The following LRRC69 variants were observed in gnomAD, a reference collection of about 807,000 sequenced individuals.
The protein encoded by LRRC69 is leucine rich repeat containing 69.
A neutral mutation model predicts 37.8 loss-of-function variants in LRRC69; 42 were observed. That is an observed-to-expected ratio of 1.11 (90% CI 0.87 to 1.44). The LOEUF is 1.44. LRRC69 is among the 40% of genes most tolerant of loss of function. The pLI, the probability that LRRC69 is intolerant of heterozygous loss-of-function variation, is 0.00. For synonymous variants in LRRC69, 141 were observed against 143.1 expected (o/e 0.99, Z 0.11); for missense variants, 357 against 401.9 (o/e 0.89, Z 0.96).
intron 1 of LRRC69, among the ~76,000 whole-genome samples, chr8:91,110,741 G>A (rs1246301405): frequency 6.6e-6 from 1 of 151,978 alleles, no homozygotes; most frequent in Non-Finnish European, 1.5e-5. Flanking sequence ...ATAATTAATA[G>A]CTACAAGCAT....
chr8:91,126,041 T>C (rs1263262038), intron 2 of LRRC69, among the ~76,000 whole-genome samples: 1 of 151,986 alleles, frequency 6.6e-6, no homozygotes, highest in Non-Finnish European at 1.5e-5. Flanking sequence ...TTGGGGTTAT[T>C]GAACTTTGAA....
At chr8:91,188,770 A>T (rs1361091731) in intron 5 of LRRC69, among the ~76,000 whole-genome samples, 1 of 150,210 alleles carries the variant, frequency 6.7e-6, no homozygotes, top group Non-Finnish European at 1.5e-5. Flanking sequence ...GTAGACTGCA[A>T]TTGGATTTAG....
chr8:91,118,732 T>G (rs960601002), intron 1 of LRRC69, among the ~76,000 whole-genome samples: 1 of 152,060 alleles, frequency 6.6e-6, no homozygotes, highest in Non-Finnish European at 1.5e-5. Flanking sequence ...GCTTTAAAGC[T>G]TATCAAATAG....
At chr8:91,144,937 A>G (rs2130535052) in intron 5 of LRRC69, among the ~76,000 whole-genome samples, 1 of 152,152 alleles carries the variant, frequency 6.6e-6, no homozygotes, top group South Asian at 2.1e-4. Flanking sequence ...CTTCAATAGA[A>G]TGATTTCCAT....
intron 1 of LRRC69, among the ~76,000 whole-genome samples, chr8:91,114,292 A>C (rs1813467966): frequency 6.6e-6 from 1 of 151,968 alleles, no homozygotes; most frequent in South Asian, 2.1e-4. Context: ...CAGCAATCCT[A>C]CTCTGGGTAT....
chr8:91,214,412 A>C (rs1179391578), intron 7 of LRRC69, among the ~76,000 whole-genome samples: 1 of 152,184 alleles, frequency 6.6e-6, no homozygotes, highest in Non-Finnish European at 1.5e-5. Flanking sequence ...ATTTGAAAAC[A>C]TGTGCACTTT....
intron 3 of LRRC69, among the ~76,000 whole-genome samples, chr8:91,131,354 A>G (rs971044647): frequency 2.0e-5 from 3 of 151,480 alleles, no homozygotes; most frequent in African/African-American, 7.3e-5. Flanking sequence ...GTTTACAGCC[A>G]TGAGCCACAG....
chr8:91,152,031 A>G (rs1342117262), intron 5 of LRRC69, among the ~76,000 whole-genome samples: 1 of 151,586 alleles, frequency 6.6e-6, no homozygotes, highest in Non-Finnish European at 1.5e-5. Context: ...TAAATTCTGA[A>G]TATTAGACCT....
At chr8:91,152,204 G>C (rs929627999) in intron 5 of LRRC69, among the ~76,000 whole-genome samples, 1 of 151,442 alleles carries the variant, frequency 6.6e-6, no homozygotes, top group South Asian at 2.1e-4. Flanking sequence ...TAATATCTTT[G>C]CGCATGCCTA....
intron 7 of LRRC69, among the ~76,000 whole-genome samples, chr8:91,204,798 T>C (rs1271278996): frequency 6.6e-6 from 1 of 152,256 alleles, no homozygotes; most frequent in African/African-American, 2.4e-5. Context: ...ATTATCTTTC[T>C]CAAAACTGTA....
At chr8:91,107,835 A>G (rs1350856802) in intron 1 of LRRC69, among the ~76,000 whole-genome samples, 2 of 152,080 alleles carry the variant, frequency 1.3e-5, no homozygotes, top group Admixed American at 1.3e-4. Flanking sequence ...CTCTTGAAAT[A>G]TGGGGATGTC....
chr8:91,189,531 C>G, exon 6 of LRRC69: 1 of 1,549,632 alleles, frequency 6.5e-7, no homozygotes, highest in African/African-American at 1.4e-5. Context: ...GTTTCAGGAT[C>G]TGAAGCTGAG....
At chr8:91,182,575 C>T (rs1809342780) in intron 5 of LRRC69, among the ~76,000 whole-genome samples, 1 of 152,180 alleles carries the variant, frequency 6.6e-6, no homozygotes, top group Non-Finnish European at 1.5e-5. Context: ...ATATTAGCCA[C>T]TATGAGGAAC....
At chr8:91,107,292 G>A (rs1221006270) in intron 1 of LRRC69, among the ~76,000 whole-genome samples, 1 of 151,350 alleles carries the variant, frequency 6.6e-6, no homozygotes, top group Admixed American at 6.6e-5. Context: ...CTGCCACCAT[G>A]CCTGGCTAAT....
At chr8:91,110,335 A>G (rs1051421089) in intron 1 of LRRC69, among the ~76,000 whole-genome samples, 1 of 152,080 alleles carries the variant, frequency 6.6e-6, no homozygotes, top group African/African-American at 2.4e-5. Context: ...GAATTTTTTT[A>G]ATACTTAAAA....
chr8:91,195,792 T>C (rs1425141723), intron 6 of LRRC69, among the ~76,000 whole-genome samples: 1 of 151,460 alleles, frequency 6.6e-6, no homozygotes. Context: ...TCTTGACTCT[T>C]TATCCAATTT....
intron 5 of LRRC69, among the ~76,000 whole-genome samples, chr8:91,147,521 C>T (rs928265360): frequency 6.6e-6 from 1 of 151,480 alleles, no homozygotes; most frequent in Non-Finnish European, 1.5e-5. Context: ...CTTCCCACTT[C>T]AGCCTCCTGA....
At chr8:91,185,055 G>T (rs1809383902) in intron 5 of LRRC69, among the ~76,000 whole-genome samples, 1 of 152,190 alleles carries the variant, frequency 6.6e-6, no homozygotes, top group East Asian at 1.9e-4. Flanking sequence ...GGCACACACA[G>T]GCAGGGTGGA....
At chr8:91,219,072 ACTT>A, downstream of LRRC69, 1 of 681,234 alleles carries the variant, frequency 1.5e-6, no homozygotes, top group African/African-American at 1.8e-5. Flanking sequence ...ATTATGCCCT[ACTT>A]AAGATACCAT....
Sources: gnomAD v4.1 joint callset for allele counts (sites outside exome capture counted in the v4.1 genomes callset) on GRCh38, gnomAD v4.1.1 for gene constraint, MANE v1.5 for transcripts, NCBI Gene and HGNC (gene_info 2026-07-23, HGNC 2026-07-21) for gene names.